Variants in LRRC4C observed in about 807,000 individuals in gnomAD.
LRRC4C encodes leucine rich repeat containing 4C.
Under a neutral mutation model 33.6 loss-of-function variants are expected in LRRC4C, and 5 were observed. The observed-to-expected ratio is 0.15, with a 90% confidence interval of 0.08 to 0.31. The LOEUF is 0.31. LRRC4C is among the 10% of genes least tolerant of loss of function. The probability of loss-of-function intolerance (pLI) is 1.00; values close to 1 mark genes in which losing one functional copy is unlikely to be tolerated. For missense variants in LRRC4C, 560 were observed against 796.7 expected (o/e 0.70, Z 3.58); for synonymous variants, 329 against 302.0 (o/e 1.09, Z -0.93).
At chr11:40,135,765 T>C (rs535789707) in intron 6 of LRRC4C, among the ~76,000 whole-genome samples, 87 of 152,322 alleles carry the variant, frequency 5.7e-4, no homozygotes, top group Admixed American at 1.9e-3. Flanking sequence ...ATTAGAGACG[T>C]TGGGTGATAA....
At chr11:40,739,641 G>A (rs1053792248) in intron 2 of LRRC4C, among the ~76,000 whole-genome samples, 8 of 152,066 alleles carry the variant, frequency 5.3e-5, no homozygotes, top group Middle Eastern at 3.4e-3. Context: ...TCATGGTGGC[G>A]GTTTCCCCCA....
chr11:41,151,917 A>G (rs993597341), intron 1 of LRRC4C, among the ~76,000 whole-genome samples: 41 of 152,356 alleles, frequency 2.7e-4, no homozygotes, highest in African/African-American at 9.1e-4. Flanking sequence ...AGCACAGAAT[A>G]CATGAATTAT....
intron 5 of LRRC4C, among the ~76,000 whole-genome samples, chr11:40,212,750 A>G (rs146573474): frequency 6.6e-6 from 1 of 152,136 alleles, no homozygotes; most frequent in African/African-American, 2.4e-5. Flanking sequence ...GATGCTAAGT[A>G]ACTTGTACAA....
At chr11:41,104,163 G>A (rs900994115) in intron 1 of LRRC4C, among the ~76,000 whole-genome samples, 2 of 151,856 alleles carry the variant, frequency 1.3e-5, no homozygotes, top group Non-Finnish European at 2.9e-5. Flanking sequence ...TTAAGAAAAT[G>A]AAAGGTTGGC....
intron 1 of LRRC4C, among the ~76,000 whole-genome samples, chr11:41,453,359 T>C (rs1466779594): frequency 6.6e-6 from 1 of 152,108 alleles, no homozygotes; most frequent in Non-Finnish European, 1.5e-5. Context: ...TAGGGACCCA[T>C]TGGTTCAGAG....
rs1591294720 is a variant in LRRC4C at position 41,335,712 on chromosome 11, A to G, written c.-496+123719T>C. On this transcript the variant is annotated intron_variant, in intron 1 of 6. Transcript: ENST00000528697. ...ATAGGTCTGCAGTAAATGTTTGTAT[A>G]GCAAATGAATGAATATATAAGTAAA... Among the ~76,000 whole-genome samples the G allele has an allele frequency of 2.6e-5, 4 of 152,326 alleles. No individual in the cohort carries two copies. The East Asian group carries it at 7.7e-4, about 29-fold the overall frequency.
chr11:40,465,255 A>G (rs755957929), intron 3 of LRRC4C, among the ~76,000 whole-genome samples: 2 of 152,082 alleles, frequency 1.3e-5, no homozygotes, highest in Non-Finnish European at 2.9e-5. Context: ...TTGGATAGCC[A>G]TATCCAGAAA....
chr11:41,419,828 C>T (rs2138310037), intron 1 of LRRC4C, among the ~76,000 whole-genome samples: 1 of 151,972 alleles, frequency 6.6e-6, no homozygotes, highest in African/African-American at 2.4e-5. Context: ...GATTCAAACT[C>T]AAGCCATCTG....
intron 2 of LRRC4C, among the ~76,000 whole-genome samples, chr11:40,765,893 A>G (rs1033699149): frequency 2.0e-4 from 30 of 152,040 alleles, no homozygotes; most frequent in Non-Finnish European, 2.6e-4. Context: ...AGGTGGAGAG[A>G]TGGGGTTAGA....
intron 3 of LRRC4C, among the ~76,000 whole-genome samples, chr11:40,395,415 T>G (rs577232392): frequency 1.3e-5 from 2 of 152,272 alleles, no homozygotes; most frequent in African/African-American, 4.8e-5. Context: ...CTTTCTCTCA[T>G]GTACATCACC....
chr11:40,585,037 G>A (rs1376628617), intron 3 of LRRC4C, among the ~76,000 whole-genome samples: 3 of 151,998 alleles, frequency 2.0e-5, no homozygotes, highest in African/African-American at 7.2e-5. Flanking sequence ...GATGGTTCTA[G>A]AACAGAGGAA....
chr11:40,633,353 C>CTTTT (rs1487684001), intron 3 of LRRC4C, among the ~76,000 whole-genome samples: 1 of 39,396 alleles, frequency 2.5e-5, no homozygotes, highest in East Asian at 6.0e-4. Flanking sequence ...TTCTTTCTTT[C>CTTTT]TTTCTTTCTT....
At chr11:41,201,894 C>G (rs947009690) in intron 1 of LRRC4C, among the ~76,000 whole-genome samples, 2 of 125,952 alleles carry the variant, frequency 1.6e-5, no homozygotes, top group Non-Finnish European at 3.3e-5. Context: ...TTTGGCTGCT[C>G]TACACACACA....
intron 1 of LRRC4C, among the ~76,000 whole-genome samples, chr11:41,334,274 C>A (rs2137401377): frequency 6.6e-6 from 1 of 152,290 alleles, no homozygotes; most frequent in South Asian, 2.1e-4. Flanking sequence ...CTCGTCAGTT[C>A]AAGAAGATTT....
chr11:40,259,762 T>A (rs2136243743), intron 4 of LRRC4C, among the ~76,000 whole-genome samples: 1 of 152,266 alleles, frequency 6.6e-6, no homozygotes, highest in Admixed American at 6.5e-5. Flanking sequence ...TTCTGTTCCA[T>A]TGATCTATAT....
chr11:40,700,315 C>T (rs1024139423), intron 2 of LRRC4C, among the ~76,000 whole-genome samples: 3 of 151,956 alleles, frequency 2.0e-5, no homozygotes, highest in Admixed American at 6.6e-5. Flanking sequence ...TGTATTTTTT[C>T]ATTTATTGTA....
intron 1 of LRRC4C, among the ~76,000 whole-genome samples, chr11:41,195,016 A>T (rs1328640458): frequency 6.6e-6 from 1 of 151,904 alleles, no homozygotes; most frequent in Admixed American, 6.6e-5. Flanking sequence ...ACTCACTAAG[A>T]TAAAAAAAAA....
At chr11:40,752,666 G>T (rs1357673695) in intron 2 of LRRC4C, among the ~76,000 whole-genome samples, 2 of 152,038 alleles carry the variant, frequency 1.3e-5, no homozygotes, top group Non-Finnish European at 2.9e-5. Context: ...CTTATACACT[G>T]TTGGTGGGAC....
At chr11:40,893,066 A>T (rs1484023368) in intron 2 of LRRC4C, among the ~76,000 whole-genome samples, 4 of 152,084 alleles carry the variant, frequency 2.6e-5, no homozygotes, top group Non-Finnish European at 5.9e-5. Context: ...AAATCCTGTC[A>T]CTTACAGCAA....
Sources: allele counts gnomAD v4.1 joint callset (sites outside exome capture counted in the v4.1 genomes callset), GRCh38; gene constraint gnomAD v4.1.1; transcripts MANE v1.5; gene names NCBI Gene and HGNC (gene_info 2026-07-23, HGNC 2026-07-21).